DOCK3: variants seen among roughly 807,000 people sequenced by gnomAD.
The protein encoded by DOCK3 is dedicator of cytokinesis 3, also known as dedicator of cytokinesis protein 3.
In DOCK3, 60 loss-of-function variants were observed where a neutral mutation model predicts 265.6. The ratio of observed to expected loss-of-function variants is 0.23; its 90% CI spans 0.18 to 0.28. The LOEUF is 0.28. Ranked by LOEUF, DOCK3 falls within the 10% of genes least tolerant of loss-of-function variation. The pLI is 1.00. For synonymous variants in DOCK3, 881 were observed against 938.0 expected, an observed-to-expected ratio of 0.94 and a Z score of 1.11; for missense variants, 1,981 against 2,594.3, an observed-to-expected ratio of 0.76 and a Z score of 5.14.
intron 5 of DOCK3, among the ~76,000 whole-genome samples, chr3:51,010,950 C>T (rs1431163028): frequency 1.3e-5 from 2 of 152,102 alleles, no homozygotes; most frequent in Non-Finnish European, 2.9e-5. Context: ...TGTTGGCCCC[C>T]TCTCTCTTCT....
At chr3:51,073,749 A>G (rs1028228786) in intron 6 of DOCK3, among the ~76,000 whole-genome samples, 5 of 152,338 alleles carry the variant, frequency 3.3e-5, no homozygotes, top group Admixed American at 6.5e-5. Context: ...ATAAGTTTTT[A>G]ACCTTTAATA....
At chr3:51,014,169 C>T (rs1042851073) in intron 5 of DOCK3, among the ~76,000 whole-genome samples, 4 of 152,182 alleles carry the variant, frequency 2.6e-5, no homozygotes, top group African/African-American at 9.6e-5. Context: ...CCGTCAGCTG[C>T]ACCCACTTTC....
At chr3:51,363,961 C>G (rs2086936693) in intron 49 of DOCK3, among the ~76,000 whole-genome samples, 1 of 152,164 alleles carries the variant, frequency 6.6e-6, no homozygotes, top group African/African-American at 2.4e-5. Context: ...GTGCATGTGT[C>G]TTTATAGTAG....
At chr3:51,139,356 T>G (rs1192851396) in intron 9 of DOCK3, among the ~76,000 whole-genome samples, 1 of 152,148 alleles carries the variant, frequency 6.6e-6, no homozygotes, top group African/African-American at 2.4e-5. Context: ...ACAACATATT[T>G]GATGCTTGTT....
rs2088808575 is a variant in DOCK3 at position 51,383,708 on chromosome 3, GTC to G, written c.*2151_*2152del. 3.9e-5 allele frequency: 6 copies of G among 152,692 alleles called. No individual in the cohort carries two copies. The South Asian group carries it at 1.2e-3, about 32-fold the overall frequency. The allele number at this position is 152,692 out of a possible 1,614,324, so 9.5% of individuals were successfully genotyped here. On this transcript the variant is annotated 3_prime_UTR_variant, in exon 53 of 53. Transcript: ENST00000266037. ...ATCCCTTTTGTTGGAGAATAAGTCAGTCTGAGGGGAAATGGGAGGCCAGAGAT... is the reference window on the plus strand; with the variant it reads ...ATCCCTTTTGTTGGAGAATAAGTCAGTGAGGGGAAATGGGAGGCCAGAGAT...
intron 3 of DOCK3, among the ~76,000 whole-genome samples, chr3:50,885,364 G>GTTT (rs62977761): frequency 7.7e-6 from 1 of 129,604 alleles, no homozygotes; most frequent in Non-Finnish European, 1.7e-5. Flanking sequence ...TTTGTATGCA[G>GTTT]TTTTTTTTTT....
intron 2 of DOCK3, among the ~76,000 whole-genome samples, chr3:50,779,284 A>G (rs938514481): frequency 3.9e-5 from 6 of 152,180 alleles, no homozygotes; most frequent in Admixed American, 3.3e-4. Context: ...GCCTTTGAAT[A>G]GAACTACGTT....
At chr3:51,042,914 A>C (rs181608468) in intron 5 of DOCK3, among the ~76,000 whole-genome samples, 1 of 152,318 alleles carries the variant, frequency 6.6e-6, no homozygotes, top group Admixed American at 6.5e-5. Flanking sequence ...TACAAAGAGA[A>C]CTACAAACCA....
At chr3:51,135,292 T>G (rs2084743221) in intron 9 of DOCK3, among the ~76,000 whole-genome samples, 1 of 152,242 alleles carries the variant, frequency 6.6e-6, no homozygotes, top group Non-Finnish European at 1.5e-5. Flanking sequence ...CTCCTCAGTT[T>G]TAAGACTGTG....
At position 51,075,371 on chromosome 3, in the gene DOCK3, C is replaced by G; in HGVS notation, c.480C>G (p.Asp160Glu). Residue 160 changes from aspartate (D) to glutamate (E), a missense_variant, in exon 7 of 53, where the codon GAC becomes GAG. Coordinates refer to ENST00000266037, the MANE Select transcript of DOCK3 (RefSeq NM_004947.5). ...LDWGNEHLGL[D>E]LVPRKDFEVV... ...TCTTTACTAGACATTTGGGCCTGGA[C>G]CTGGTGCCTCGGAAGGACTTTGAAG... The G allele has an allele frequency of 6.2e-7, 1 of 1,610,802 alleles. No individual in the cohort carries two copies. Among genetic ancestry groups the G allele is most frequent in the Non-Finnish European group, 8.5e-7 (1 of 1,178,678 alleles).
intron 1 of DOCK3, among the ~76,000 whole-genome samples, chr3:50,678,765 C>G (rs1462034455): frequency 1.3e-5 from 2 of 151,986 alleles, no homozygotes; most frequent in Non-Finnish European, 2.9e-5. Context: ...CAGCAGTCTC[C>G]CAAGTAGCTG....
chr3:51,110,734 T>G (rs1395184185), intron 9 of DOCK3, among the ~76,000 whole-genome samples: 1 of 152,168 alleles, frequency 6.6e-6, no homozygotes, highest in African/African-American at 2.4e-5. Context: ...AACCTCATAC[T>G]GAATAGACAA....
chr3:51,298,667 G>T (rs1458983985), intron 27 of DOCK3, among the ~76,000 whole-genome samples: 1 of 152,104 alleles, frequency 6.6e-6, no homozygotes, highest in African/African-American at 2.4e-5. Context: ...ACAGTATTTG[G>T]TTTTCTGTTC....
intron 24 of DOCK3, among the ~76,000 whole-genome samples, chr3:51,274,728 C>A (rs762882301): frequency 6.6e-6 from 1 of 152,060 alleles, no homozygotes; most frequent in African/African-American, 2.4e-5. Flanking sequence ...CTGCAGGGAG[C>A]CATGATTATG....
chr3:51,264,829 A>AAAAAAAATAAATAAAT lies in DOCK3; in HGVS notation c.2355+4506_2355+4507insAAAATAAATAAATAAA, dbSNP rs371752873. On this transcript the variant is annotated intron_variant, in intron 23 of 52. Coordinates refer to ENST00000266037, the MANE Select transcript of DOCK3 (RefSeq NM_004947.5). Reference sequence around the variant, plus strand: ...GTGACAGAGCGAGACTCAGTCTCAAAAAATAAATAAATAAATAAATAAATA... The same window carrying AAAAAAAATAAATAAAT: ...GTGACAGAGCGAGACTCAGTCTCAAAAAAAAAATAAATAAATAAATAAATAAATAAATAAATAAATA... Among the ~76,000 whole-genome samples the AAAAAAAATAAATAAAT allele has an allele frequency of 5.6e-5, 8 of 142,160 alleles. 1 individual carries two copies. The highest frequency in any genetic ancestry group is 1.2e-4 in the Non-Finnish European group (8 of 65,722). 93.3% of individuals were successfully genotyped at this position (142,160 alleles called of 152,430 possible). A position where few individuals can be genotyped will look rare whatever the true frequency, so the allele number is the denominator to read the frequency against.
chr3:50,941,748 A>C (rs1575582275), intron 5 of DOCK3, among the ~76,000 whole-genome samples: 1 of 152,112 alleles, frequency 6.6e-6, no homozygotes, highest in African/African-American at 2.4e-5. Flanking sequence ...ACATCCAGCA[A>C]CTTAGAGTGA....
At chr3:50,889,888 A>G in intron 3 of DOCK3, 138 bp from the exon 4 acceptor site, 1 of 591,566 alleles carries the variant, frequency 1.7e-6, no homozygotes, top group South Asian at 3.6e-5. Context: ...ACAGCTCTGC[A>G]TACTTAATAT....
intron 9 of DOCK3, among the ~76,000 whole-genome samples, chr3:51,138,130 A>G (rs1011586433): frequency 3.3e-5 from 5 of 152,202 alleles, no homozygotes; most frequent in Admixed American, 1.3e-4. Flanking sequence ...AAGCCTCTGA[A>G]AAGTCCTAGA....
rs541828976 is a variant in DOCK3, at chr3:50,704,511, A to G, written c.37+29211A>G. 2.6e-5 allele frequency among the ~76,000 whole-genome samples: 4 copies of G among 152,308 alleles called. No homozygotes were observed. In the South Asian group the frequency reaches 8.3e-4, roughly 32 times the overall value. On this transcript the variant is annotated intron_variant, in intron 1 of 52. Transcript: ENST00000266037. ...CATTATATAAGTATAAAGTAACCAT[A>G]TAATGACTTTGTTACTATAATTACT...
Sources: gnomAD v4.1 joint callset for allele counts (sites outside exome capture counted in the v4.1 genomes callset) on GRCh38, gnomAD v4.1.1 for gene constraint, MANE v1.5 for transcripts, NCBI Gene and HGNC (gene_info 2026-07-23, HGNC 2026-07-21) for gene names.